WDPCP: variants seen among roughly 807,000 people sequenced by gnomAD.
WDPCP encodes the protein WD repeat-containing and planar cell polarity effector protein fritz homolog.
In WDPCP, 71 loss-of-function variants were observed where a neutral mutation model predicts 93.1. The observed-to-expected ratio is 0.76, with a 90% CI of 0.63 to 0.93. WDPCP has a LOEUF of 0.93. Among genes scored for constraint, WDPCP ranks in the 40% least tolerant of loss-of-function variants. The pLI is 0.00. For missense variants in WDPCP, 844 were observed against 887.4 expected, an observed-to-expected ratio of 0.95 and a Z score of 0.62; for synonymous variants, 315 against 315.0, an observed-to-expected ratio of 1.00 and a Z score of 0.00.
chr2:63,589,717 A>G (rs1575717152), upstream of WDPCP, among the ~76,000 whole-genome samples: 1 of 152,184 alleles, frequency 6.6e-6, no homozygotes, highest in Non-Finnish European at 1.5e-5. Flanking sequence ...AATGTAACAG[A>G]GTAACCATTT....
chr2:63,596,135 G>T (rs1709308235), intron 3 of WDPCP, among the ~76,000 whole-genome samples: 1 of 152,094 alleles, frequency 6.6e-6, no homozygotes, highest in African/African-American at 2.4e-5. Flanking sequence ...CCTTAAATTT[G>T]ATCGAAAAGT....
chr2:63,391,439 T>C (rs1179996796), intron 10 of WDPCP, among the ~76,000 whole-genome samples: 1 of 152,166 alleles, frequency 6.6e-6, no homozygotes, highest in East Asian at 1.9e-4. Flanking sequence ...AATATCATAC[T>C]GAATGGGCAA....
At chr2:63,504,324 T>TTGTGTG (rs60202196) in intron 1 of WDPCP, among the ~76,000 whole-genome samples, 8,976 of 138,006 alleles carry the variant, frequency 0.065, 292 homozygotes, top group South Asian at 0.079. Context: ...ACGTACTAAA[T>TTGTGTG]TGTGTGTGTG....
At chr2:63,839,634 C>G in the WDPCP span, among the ~76,000 whole-genome samples, 1 of 152,316 alleles carries the variant, frequency 6.6e-6, no homozygotes, top group Non-Finnish European at 1.5e-5. Context: ...GCTAAGTAAC[C>G]CTACGTGGCC....
intron 1 of WDPCP, among the ~76,000 whole-genome samples, chr2:63,516,485 C>T (rs1199679020): frequency 6.6e-6 from 1 of 152,194 alleles, no homozygotes; most frequent in African/African-American, 2.4e-5. Context: ...CCTTCATTCA[C>T]ACACACCTGT....
At chr2:63,412,849 AAC>A (rs1695122601) in intron 9 of WDPCP, among the ~76,000 whole-genome samples, 1 of 152,196 alleles carries the variant, frequency 6.6e-6, no homozygotes, top group African/African-American at 2.4e-5. Flanking sequence ...AAAATTATAA[AAC>A]ACTGCTGAAA....
intron 13 of WDPCP, among the ~76,000 whole-genome samples, chr2:63,295,880 CAAAAAAAAAAAAA>C (rs59418675): frequency 8.7e-6 from 1 of 115,254 alleles, no homozygotes; most frequent in African/African-American, 3.4e-5. Context: ...GAAACTATTC[CAAAAAAAAAAAAA>C]AAAAAAAAAA....
chr2:63,602,934 CTTTTTTTTTTTTTT>C (rs370479356), intron 3 of WDPCP, among the ~76,000 whole-genome samples: 6 of 131,610 alleles, frequency 4.6e-5, no homozygotes, highest in African/African-American at 1.6e-4. Context: ...TTTAACCGTT[CTTTTTTTTTTTTTT>C]TTTTTTTTTT....
At chr2:63,142,895 CACACATACATATATAT>C (rs1237935707) in intron 17 of WDPCP, among the ~76,000 whole-genome samples, 3 of 147,512 alleles carry the variant, frequency 2.0e-5, no homozygotes, top group Admixed American at 6.7e-5. Flanking sequence ...TACATATATA[CACACATACATATATAT>C]ACACATACAT....
At chr2:63,243,613 G>A (rs1680035951) in intron 14 of WDPCP, among the ~76,000 whole-genome samples, 1 of 152,104 alleles carries the variant, frequency 6.6e-6, no homozygotes, top group Non-Finnish European at 1.5e-5. Context: ...GGACAAAGAA[G>A]GGTATCATAT....
At chr2:63,332,798 A>G (rs1274624440) in intron 12 of WDPCP, among the ~76,000 whole-genome samples, 1 of 152,162 alleles carries the variant, frequency 6.6e-6, no homozygotes, top group Admixed American at 6.6e-5. Flanking sequence ...TTGTAGAGAC[A>G]GGGTCTCACT....
chr2:63,503,723 CG>C (rs1409597807), intron 1 of WDPCP, among the ~76,000 whole-genome samples: 3 of 151,742 alleles, frequency 2.0e-5, no homozygotes, highest in South Asian at 2.1e-4. Flanking sequence ...ATTGAAAAAA[CG>C]TAACTTTGAA....
intron 1 of WDPCP, among the ~76,000 whole-genome samples, chr2:63,536,896 G>T (rs996408852): frequency 1.3e-5 from 2 of 149,830 alleles, no homozygotes; most frequent in African/African-American, 4.9e-5. Flanking sequence ...CTCCCAAGTA[G>T]CTGGGATTAC....
chr2:63,255,779 T>A (rs952732050), intron 14 of WDPCP, among the ~76,000 whole-genome samples: 3 of 152,110 alleles, frequency 2.0e-5, no homozygotes, highest in Non-Finnish European at 4.4e-5. Flanking sequence ...CCAGACGACA[T>A]GATGTGGATG....
At chr2:63,223,193 A>G (rs765017343) in intron 14 of WDPCP, among the ~76,000 whole-genome samples, 82 of 152,310 alleles carry the variant, frequency 5.4e-4, no homozygotes, top group African/African-American at 1.8e-3. Flanking sequence ...GCTATCAAAT[A>G]TGATTATGAA....
intron 2 of WDPCP, among the ~76,000 whole-genome samples, chr2:63,742,961 GAACT>G (rs1669744817): frequency 6.6e-6 from 1 of 151,964 alleles, no homozygotes; most frequent in Non-Finnish European, 1.5e-5. Flanking sequence ...GGAAAGAAGG[GAACT>G]AACATTTCTT....
chr2:63,640,251 T>C (rs1178597164), intron 3 of WDPCP, among the ~76,000 whole-genome samples: 1 of 152,004 alleles, frequency 6.6e-6, no homozygotes, highest in Non-Finnish European at 1.5e-5. Context: ...CTTGTGATCC[T>C]CCCACTTCGG....
chr2:63,778,872 A>C (rs1670345548), intron 2 of WDPCP, among the ~76,000 whole-genome samples: 1 of 152,296 alleles, frequency 6.6e-6, no homozygotes, highest in African/African-American at 2.4e-5. Context: ...TTGTGTTATA[A>C]AATAACATAT....
At chr2:63,303,984 A>AAC (rs1438703850) in intron 13 of WDPCP, among the ~76,000 whole-genome samples, 1 of 151,558 alleles carries the variant, frequency 6.6e-6, no homozygotes, top group Non-Finnish European at 1.5e-5. Context: ...AAAAAAAAAA[A>AAC]AACAGATGTA....
Sources: allele counts gnomAD v4.1 joint callset (sites outside exome capture counted in the v4.1 genomes callset), GRCh38; gene constraint gnomAD v4.1.1; transcripts MANE v1.5; gene names NCBI Gene and HGNC (gene_info 2026-07-23, HGNC 2026-07-21).